GALNTL6: variants seen among roughly 807,000 people sequenced by gnomAD.
GALNTL6 encodes polypeptide N-acetylgalactosaminyltransferase like 6.
In GALNTL6, 46 loss-of-function variants were observed where a neutral mutation model predicts 73.7. The ratio of observed to expected loss-of-function variants is 0.62; its 90% CI spans 0.49 to 0.80. GALNTL6 has a LOEUF of 0.80. GALNTL6 is among the 30% of genes least tolerant of loss of function. The probability of loss-of-function intolerance (pLI) is 0.00; values close to 1 mark genes in which losing one functional copy is unlikely to be tolerated. For synonymous variants in GALNTL6, 259 were observed against 263.7 expected (o/e 0.98, Z 0.17); for missense variants, 604 against 755.0 (o/e 0.80, Z 2.34).
intron 5 of GALNTL6, among the ~76,000 whole-genome samples, chr4:172,434,322 C>A (rs1423901636): frequency 6.6e-6 from 1 of 152,108 alleles, no homozygotes; most frequent in Non-Finnish European, 1.5e-5. Context: ...CCTTAGTTAT[C>A]TGTCACCAAT....
chr4:171,822,033 T>TA (rs1333204909), intron 2 of GALNTL6, among the ~76,000 whole-genome samples: 3 of 152,176 alleles, frequency 2.0e-5, no homozygotes, highest in Non-Finnish European at 4.4e-5. Flanking sequence ...TATTTCTTTG[T>TA]AGTGACTACT....
chr4:172,640,231 C>G (rs770244009), intron 5 of GALNTL6, among the ~76,000 whole-genome samples: 1 of 152,120 alleles, frequency 6.6e-6, no homozygotes, highest in African/African-American at 2.4e-5. Context: ...GCACTCATCA[C>G]AGCTGAACAT....
Position 172,736,231 on chromosome 4 carries a change from A to G in GALNTL6, c.554-73130A>G, listed in dbSNP as rs551035862. Among the ~76,000 whole-genome samples, 5 of 152,296 alleles carry G rather than the reference A, an allele frequency of 3.3e-5. No individual in the cohort carries two copies. In the South Asian group the frequency reaches 8.3e-4, roughly 25 times the overall value. On this transcript the variant is annotated intron_variant, in intron 5 of 12. Transcript: ENST00000506823. ...GGGGCGCTGCAGGTGACCAGCGTGTATTTCATCCCTTATCTACAACTGCAT... is the reference window on the plus strand; with the variant it reads ...GGGGCGCTGCAGGTGACCAGCGTGTGTTTCATCCCTTATCTACAACTGCAT...
intron 2 of GALNTL6, among the ~76,000 whole-genome samples, chr4:171,940,864 T>TAAATAAATAAAA (rs35996530): frequency 0.077 from 10,900 of 142,214 alleles, 607 homozygotes; most frequent in Middle Eastern, 0.11. Flanking sequence ...AATAAATAAA[T>TAAATAAATAAAA]ATATAAGTCA....
chr4:172,762,050 A>G (rs1337201461), intron 5 of GALNTL6, among the ~76,000 whole-genome samples: 3 of 152,200 alleles, frequency 2.0e-5, no homozygotes, highest in African/African-American at 7.2e-5. Flanking sequence ...GTAAATGTTT[A>G]CTGATCTTTT....
chr4:172,592,568 AT>A (rs1737678451), intron 5 of GALNTL6, among the ~76,000 whole-genome samples: 1 of 152,176 alleles, frequency 6.6e-6, no homozygotes, highest in Admixed American at 6.5e-5. Context: ...AGGATTCTGA[AT>A]TTTAACAAAC....
intron 2 of GALNTL6, among the ~76,000 whole-genome samples, chr4:172,225,417 CT>C (rs35420591): frequency 0.029 from 4,179 of 144,606 alleles, 83 homozygotes; most frequent in Non-Finnish European, 0.046. Flanking sequence ...ATGAATTTGA[CT>C]TTTTTTTTTT....
intron 3 of GALNTL6, among the ~76,000 whole-genome samples, chr4:172,285,893 G>T (rs1397366488): frequency 1.3e-5 from 2 of 152,096 alleles, no homozygotes; most frequent in Non-Finnish European, 2.9e-5. Flanking sequence ...TTTAACATTT[G>T]TCAAAGTCCC....
chr4:171,843,694 G>A (rs1048187682), intron 2 of GALNTL6, among the ~76,000 whole-genome samples: 2 of 152,092 alleles, frequency 1.3e-5, no homozygotes, highest in Non-Finnish European at 2.9e-5. Flanking sequence ...GGTAGAGAAT[G>A]AAGATTTTGG....
intron 2 of GALNTL6, among the ~76,000 whole-genome samples, chr4:172,036,573 C>A (rs1195366211): frequency 6.6e-6 from 1 of 152,066 alleles, no homozygotes; most frequent in African/African-American, 2.4e-5. Flanking sequence ...CTCTTTTAAG[C>A]ACTTTGTATG....
intron 2 of GALNTL6, among the ~76,000 whole-genome samples, chr4:171,819,554 A>G (rs1734628338): frequency 6.6e-6 from 1 of 152,170 alleles, no homozygotes. Context: ...GAGTGGTTTA[A>G]ACGGTGTAGA....
At chr4:172,537,876 C>T (rs1349441094) in intron 5 of GALNTL6, among the ~76,000 whole-genome samples, 2 of 152,144 alleles carry the variant, frequency 1.3e-5, no homozygotes, top group South Asian at 2.1e-4. Flanking sequence ...GATAAAGTGC[C>T]ATTGAACACA....
intron 5 of GALNTL6, among the ~76,000 whole-genome samples, chr4:172,482,811 C>T (rs972598175): frequency 1.3e-5 from 2 of 152,196 alleles, no homozygotes; most frequent in African/African-American, 2.4e-5. Context: ...CTAATCATTA[C>T]TGTATCTTAA....
intron 10 of GALNTL6, among the ~76,000 whole-genome samples, chr4:172,973,807 G>A (rs569950397): frequency 2.2e-4 from 33 of 152,034 alleles, no homozygotes; most frequent in East Asian, 1.6e-3. Context: ...CTCTGACTCC[G>A]TCTTTTTCAC....
Position 172,424,607 on chromosome 4 carries a change from G to A in GALNTL6, c.553+75918G>A, listed in dbSNP as rs1731162223. Reference sequence around the variant, plus strand: ...TTCAGTGGGCGGAGGGTATGGAGATGAGCGGCTGCTCCATGCAGTTATTCA... The same window carrying A: ...TTCAGTGGGCGGAGGGTATGGAGATAAGCGGCTGCTCCATGCAGTTATTCA... On this transcript the variant is annotated intron_variant, in intron 5 of 12. Transcript: ENST00000506823. Among the ~76,000 whole-genome samples, 3 of 152,268 alleles carry A rather than the reference G, an allele frequency of 2.0e-5. No individual in the cohort carries two copies. In the South Asian group the frequency reaches 6.2e-4, roughly 32 times the overall value.
At chr4:172,479,515 G>T (rs1232675570) in intron 5 of GALNTL6, among the ~76,000 whole-genome samples, 1 of 152,120 alleles carries the variant, frequency 6.6e-6, no homozygotes, top group Non-Finnish European at 1.5e-5. Flanking sequence ...GCACACAAAG[G>T]TATACACAGT....
At chr4:171,945,795 A>T (rs1196387113) in intron 2 of GALNTL6, among the ~76,000 whole-genome samples, 1 of 152,164 alleles carries the variant, frequency 6.6e-6, no homozygotes, top group African/African-American at 2.4e-5. Flanking sequence ...GGCTTTTGAT[A>T]TCAGGCTCAA....
At chr4:172,386,074 A>G (rs1484341833) in intron 5 of GALNTL6, among the ~76,000 whole-genome samples, 1 of 152,154 alleles carries the variant, frequency 6.6e-6, no homozygotes, top group African/African-American at 2.4e-5. Context: ...TTTAATCCCA[A>G]ATTGTATCTT....
At chr4:172,974,124 G>A (rs1750705050) in intron 10 of GALNTL6, among the ~76,000 whole-genome samples, 1 of 152,198 alleles carries the variant, frequency 6.6e-6, no homozygotes, top group African/African-American at 2.4e-5. Flanking sequence ...ATGCCCTACA[G>A]CTAAAATAAT....
Sources: allele counts gnomAD v4.1 joint callset (sites outside exome capture counted in the v4.1 genomes callset), GRCh38; gene constraint gnomAD v4.1.1; transcripts MANE v1.5; gene names NCBI Gene and HGNC (gene_info 2026-07-23, HGNC 2026-07-21).